Variants in METTL15 observed in about 807,000 individuals in gnomAD.
The protein encoded by METTL15 is methyltransferase 15, mitochondrial 12S rRNA N4-cytidine.
In METTL15, 34 loss-of-function variants were observed where a neutral mutation model predicts 38.3. That is an observed-to-expected ratio of 0.89 (90% CI 0.68 to 1.18). The LOEUF (loss-of-function observed/expected upper bound fraction) is 1.18. METTL15 is among the 50% of genes most tolerant of loss of function. The probability of loss-of-function intolerance (pLI) is 0.00; values close to 1 mark genes in which losing one functional copy is unlikely to be tolerated. For missense variants in METTL15, 438 were observed against 498.4 expected, an observed-to-expected ratio of 0.88 and a Z score of 1.15; for synonymous variants, 162 against 170.9, an observed-to-expected ratio of 0.95 and a Z score of 0.41.
intron 3 of METTL15, among the ~76,000 whole-genome samples, chr11:28,204,576 TGAC>T (rs1852243739): frequency 6.6e-6 from 1 of 151,160 alleles, no homozygotes; most frequent in Non-Finnish European, 1.5e-5. Context: ...ACAGACTTCA[TGAC>T]TTAATAAGAC....
Position 28,290,328 on chromosome 11 carries a change from T to G in METTL15, c.530T>G (p.Leu177Arg), listed in dbSNP as rs1856462611. Residue 177 changes from leucine to arginine, a missense_variant, in exon 5 of 7, where the codon CTT becomes CGT. By Grantham distance (102) the Leu-to-Arg change is moderately radical. Coordinates refer to ENST00000407364, the MANE Select transcript of METTL15 (RefSeq NM_001113528.2). Reference protein sequence around the residue: ...LMDLGCSSMQLDTPERGFSLR... With the variant: ...LMDLGCSSMQRDTPERGFSLR... Reference sequence around the variant, plus strand: ...GATCTTGGGTGTTCCTCCATGCAACTTGATACTCCTGAAAGAGGTTTTTCC... The same window carrying G: ...GATCTTGGGTGTTCCTCCATGCAACGTGATACTCCTGAAAGAGGTTTTTCC... 1 of 1,613,570 alleles carries G rather than the reference T, an allele frequency of 6.2e-7. No homozygotes were observed. Among genetic ancestry groups the G allele is most frequent in the Non-Finnish European group, 8.5e-7 (1 of 1,179,684 alleles).
intron 6 of METTL15, among the ~76,000 whole-genome samples, chr11:28,500,914 G>A (rs1851577216): frequency 6.6e-6 from 1 of 152,132 alleles, no homozygotes; most frequent in South Asian, 2.1e-4. Context: ...TCACATTTCA[G>A]CAGGAATGAA....
intron 4 of METTL15, among the ~76,000 whole-genome samples, chr11:28,236,706 T>C (rs1853996527): frequency 1.3e-5 from 2 of 152,342 alleles, no homozygotes; most frequent in South Asian, 4.1e-4. Flanking sequence ...TCGATGTTCT[T>C]TACATTTTGG....
intron 6 of METTL15, among the ~76,000 whole-genome samples, chr11:28,328,692 A>C (rs995187486): frequency 5.3e-5 from 8 of 152,232 alleles, no homozygotes; most frequent in African/African-American, 1.7e-4. Context: ...AGTGGTTATA[A>C]GCTTAAGGAA....
At chr11:28,373,659 G>A (rs1233916487) in intron 5 of METTL15, among the ~76,000 whole-genome samples, 1 of 152,106 alleles carries the variant, frequency 6.6e-6, no homozygotes, top group Non-Finnish European at 1.5e-5. Context: ...AAGCAATTTA[G>A]TTTAATTGAA....
intron 4 of METTL15, among the ~76,000 whole-genome samples, chr11:28,237,990 G>T (rs553207076): frequency 6.6e-6 from 1 of 152,244 alleles, no homozygotes; most frequent in South Asian, 2.1e-4. Flanking sequence ...GTACCCGGCC[G>T]TATGAGGTGT....
intron 4 of METTL15, among the ~76,000 whole-genome samples, chr11:28,267,114 C>T (rs1403222649): frequency 2.1e-5 from 3 of 145,966 alleles, no homozygotes; most frequent in East Asian, 2.1e-4. Flanking sequence ...GAGCCAAGAT[C>T]GCATCATTGC....
At chr11:28,199,964 G>A (rs762269968) in intron 3 of METTL15, among the ~76,000 whole-genome samples, 6 of 151,996 alleles carry the variant, frequency 3.9e-5, no homozygotes, top group East Asian at 1.9e-4. Flanking sequence ...GGCTGGTCTC[G>A]AACTCCTGAC....
chr11:28,501,972 G>A (rs1407575557), intron 6 of METTL15, among the ~76,000 whole-genome samples: 1 of 151,988 alleles, frequency 6.6e-6, no homozygotes, highest in Non-Finnish European at 1.5e-5. Flanking sequence ...GTGGTGGCGG[G>A]CGCCTGTAGT....
intron 3 of METTL15, among the ~76,000 whole-genome samples, chr11:28,209,181 G>T (rs372450239): frequency 6.6e-5 from 10 of 151,990 alleles, no homozygotes; most frequent in South Asian, 6.2e-4. Flanking sequence ...TATTGATTGG[G>T]ACTTTCTTGT....
intron 3 of METTL15, among the ~76,000 whole-genome samples, chr11:28,202,029 C>G (rs1330852041): frequency 1.3e-5 from 2 of 152,068 alleles, no homozygotes; most frequent in Non-Finnish European, 2.9e-5. Flanking sequence ...TAGACTCTAT[C>G]CTGTAGCTTT....
At chr11:28,208,899 T>C (rs1442684897) in intron 3 of METTL15, among the ~76,000 whole-genome samples, 1 of 152,034 alleles carries the variant, frequency 6.6e-6, no homozygotes, top group Non-Finnish European at 1.5e-5. Context: ...ATATTAGAAT[T>C]GTAAAAATGA....
At chr11:28,497,304 A>G (rs1851542992) in intron 6 of METTL15, among the ~76,000 whole-genome samples, 2 of 152,236 alleles carry the variant, frequency 1.3e-5, no homozygotes, top group Admixed American at 6.5e-5. Flanking sequence ...ACGTGGTGCC[A>G]CAACATAAAT....
At chr11:28,186,384 G>T (rs898479754) in intron 3 of METTL15, among the ~76,000 whole-genome samples, 3 of 151,138 alleles carry the variant, frequency 2.0e-5, no homozygotes, top group African/African-American at 7.3e-5. Context: ...TATGTCTTCA[G>T]AATTTTTTTG....
At chr11:28,168,764 C>T (rs1850748338) in intron 3 of METTL15, among the ~76,000 whole-genome samples, 2 of 152,044 alleles carry the variant, frequency 1.3e-5, no homozygotes, top group Admixed American at 1.3e-4. Context: ...AATGTTAGTG[C>T]ATTCCACACC....
At chr11:28,480,512 C>T (rs1851386223) in intron 6 of METTL15, among the ~76,000 whole-genome samples, 1 of 152,180 alleles carries the variant, frequency 6.6e-6, no homozygotes, top group South Asian at 2.1e-4. Flanking sequence ...TAACAATCTG[C>T]TCACCAATAC....
intron 3 of METTL15, among the ~76,000 whole-genome samples, chr11:28,347,847 T>A (rs1029641168): frequency 6.6e-6 from 1 of 152,246 alleles, no homozygotes; most frequent in Non-Finnish European, 1.5e-5. Flanking sequence ...TTAGTAAGCC[T>A]TTCCTAACAT....
intron 5 of METTL15, among the ~76,000 whole-genome samples, chr11:28,362,500 C>T (rs1396006593): frequency 6.6e-6 from 1 of 152,196 alleles, no homozygotes; most frequent in Non-Finnish European, 1.5e-5. Flanking sequence ...TCTCCCCAAT[C>T]TAGTGGACCC....
intron 5 of METTL15, among the ~76,000 whole-genome samples, chr11:28,381,729 T>G (rs1590353550): frequency 2.0e-5 from 3 of 152,262 alleles, no homozygotes; most frequent in South Asian, 4.1e-4. Flanking sequence ...TTTAATCTCT[T>G]TGTTAAAATT....
Sources: gnomAD v4.1 joint callset for allele counts (sites outside exome capture counted in the v4.1 genomes callset) on GRCh38, gnomAD v4.1.1 for gene constraint, MANE v1.5 for transcripts, NCBI Gene and HGNC (gene_info 2026-07-23, HGNC 2026-07-21) for gene names.